The following DGKH variants were observed in gnomAD, a reference collection of about 807,000 sequenced individuals.
The protein encoded by DGKH is DAG kinase eta.
Under a neutral mutation model 159.3 loss-of-function variants are expected in DGKH, and 90 were observed. That is an observed-to-expected ratio of 0.57 (90% CI 0.48 to 0.67). The LOEUF is 0.67. Among genes scored for constraint, DGKH ranks in the 30% least tolerant of loss-of-function variants. DGKH has a pLI of 0.00. For synonymous variants in DGKH, 536 were observed against 553.8 expected (o/e 0.97, Z 0.45); for missense variants, 1,181 against 1,506.1 (o/e 0.78, Z 3.57).
Position 42,158,819 on chromosome 13 carries a change from A to G in DGKH, c.623-447A>G, listed in dbSNP as rs568661598. On this transcript the variant is annotated intron_variant, in intron 5 of 29. Transcript: ENST00000337343. ...TTCAGACTTATAATCAGTATTTTAT[A>G]TGTATAGAAAAATACAATACCAGAA... Among the ~76,000 whole-genome samples the G allele has an allele frequency of 1.4e-4, 21 of 152,314 alleles. 1 individual carries two copies. The South Asian group carries it at 4.4e-3, about 32-fold the overall frequency.
chr13:42,142,397 AT>A lies in DGKH; in HGVS notation c.384+12766del, dbSNP rs746353584. 1.4e-3 allele frequency among the ~76,000 whole-genome samples: 215 copies of A among 151,212 alleles called. 3 individuals are homozygous for A. The highest frequency in any genetic ancestry group is 5.8e-4 in the Non-Finnish European group (39 of 67,592). On this transcript the variant is annotated intron_variant, in intron 3 of 29. Transcript: ENST00000337343. ...AATGCGGGCTCTTTTTTGGTTCCAT[AT>A]GAACTTTAAAGTCGTTTTTTCCAAT...
chr13:42,079,612 T>C (rs1228871776), intron 1 of DGKH, among the ~76,000 whole-genome samples: 1 of 152,208 alleles, frequency 6.6e-6, no homozygotes, highest in Non-Finnish European at 1.5e-5. Context: ...AGTTTAGGTG[T>C]GCTCCCTTGA....
intron 1 of DGKH, among the ~76,000 whole-genome samples, chr13:42,072,816 C>T (rs76655492): frequency 2.6e-5 from 4 of 152,172 alleles, no homozygotes; most frequent in South Asian, 2.1e-4. Flanking sequence ...CTTCTCAGGG[C>T]GACCTGCCCT....
chr13:42,246,908 G>A (rs895110199), downstream of DGKH, among the ~76,000 whole-genome samples: 2 of 152,082 alleles, frequency 1.3e-5, no homozygotes, highest in African/African-American at 4.8e-5. Context: ...ATGTGTGTGT[G>A]TATATACACA....
At chr13:42,243,755 G>A (rs985133239), downstream of DGKH, among the ~76,000 whole-genome samples, 10 of 152,144 alleles carry the variant, frequency 6.6e-5, no homozygotes, top group African/African-American at 2.4e-4. Context: ...GCAGCATGGA[G>A]GGTAAAACAT....
At chr13:42,091,481 A>C (rs1395989360) in intron 1 of DGKH, among the ~76,000 whole-genome samples, 1 of 152,188 alleles carries the variant, frequency 6.6e-6, no homozygotes, top group African/African-American at 2.4e-5. Context: ...AAACAACCCA[A>C]TTAAAAAAAT....
At chr13:42,249,841 A>G (rs1237731308) in intron 29 of DGKH, among the ~76,000 whole-genome samples, 5 of 152,154 alleles carry the variant, frequency 3.3e-5, no homozygotes, top group Non-Finnish European at 7.4e-5. Context: ...CACAACTAGA[A>G]TCTCTTGGGA....
rs1958477164 is a variant in DGKH at position 42,239,441 on chromosome 13, A to G, written c.*10253A>G. On this transcript the variant is annotated 3_prime_UTR_variant, in exon 30 of 30. Transcript: ENST00000337343. Reference sequence around the variant, plus strand: ...TGCTTAATCTTAATCTTGGCTTTGGATTTTGTAAGCAAAAGCATTTTCTGC... The same window carrying G: ...TGCTTAATCTTAATCTTGGCTTTGGGTTTTGTAAGCAAAAGCATTTTCTGC... 1 of 152,710 alleles carries G rather than the reference A, an allele frequency of 6.5e-6. No homozygotes were observed. The highest frequency in any genetic ancestry group is 2.4e-5 in the African/African-American group (1 of 41,582). 9.5% of individuals were successfully genotyped at this position (152,710 alleles called of 1,614,324 possible).
intron 1 of DGKH, among the ~76,000 whole-genome samples, chr13:42,123,885 G>T (rs1215146148): frequency 2.0e-5 from 3 of 152,168 alleles, no homozygotes; most frequent in African/African-American, 7.2e-5. Context: ...GTTGCCTGGG[G>T]ACAGGTAGTG....
chr13:42,220,875 G>A (rs1321375466), intron 28 of DGKH, among the ~76,000 whole-genome samples: 1 of 152,168 alleles, frequency 6.6e-6, no homozygotes, highest in African/African-American at 2.4e-5. Flanking sequence ...ATTAGCATTT[G>A]TAGCTCATTT....
chr13:42,108,678 A>G (rs1468441649), intron 1 of DGKH, among the ~76,000 whole-genome samples: 1 of 152,186 alleles, frequency 6.6e-6, no homozygotes, highest in Non-Finnish European at 1.5e-5. Flanking sequence ...TGAAAATGAG[A>G]ATAAATACAG....
At chr13:42,131,395 G>A (rs935976925) in intron 3 of DGKH, among the ~76,000 whole-genome samples, 1 of 152,192 alleles carries the variant, frequency 6.6e-6, no homozygotes, top group African/African-American at 2.4e-5. Context: ...GTAAGCTGAC[G>A]GGTGTAGGAA....
chr13:42,188,869 T>C (rs1956992726), intron 14 of DGKH, among the ~76,000 whole-genome samples, 167 bp from the exon 15 acceptor site: 1 of 152,176 alleles, frequency 6.6e-6, no homozygotes, highest in Non-Finnish European at 1.5e-5. Context: ...ATTTTAAAAT[T>C]AGCTGCTTCC....
chr13:42,068,147 CAT>C (rs1882714191), intron 1 of DGKH, among the ~76,000 whole-genome samples: 2 of 152,234 alleles, frequency 1.3e-5, no homozygotes, highest in East Asian at 3.9e-4. Flanking sequence ...GATAAACTGA[CAT>C]AGATTCGGCT....
intron 1 of DGKH, among the ~76,000 whole-genome samples, chr13:42,108,855 G>A (rs1051141007): frequency 1.2e-4 from 18 of 152,098 alleles, no homozygotes; most frequent in Non-Finnish European, 1.6e-4. Context: ...AAGGCTGAAG[G>A]AAAGGAAAGG....
At chr13:42,244,839 G>A (rs1245861543), downstream of DGKH, among the ~76,000 whole-genome samples, 10 of 142,342 alleles carry the variant, frequency 7.0e-5, no homozygotes, top group Admixed American at 1.5e-4. Context: ...GGGAGGCGGA[G>A]CTTGCAGTGA....
chr13:42,159,244 C>CTTTTTTTTTTTTTTTTTTTCTTTTTTTTT (rs57531279), intron 5 of DGKH, 22 bp from the exon 6 acceptor site: 1 of 200,416 alleles, frequency 5.0e-6, no homozygotes, highest in Non-Finnish European at 8.6e-6. Context: ...AGCAGTTGCT[C>CTTTTTTTTTTTTTTTTTTTCTTTTTTTTT]TTTTTTTTTT....
rs557797431 is a variant in DGKH, at chr13:42,202,376, C to T, written c.2493+2467C>T. Among the ~76,000 whole-genome samples, 8 of 152,228 alleles carry T rather than the reference C, an allele frequency of 5.3e-5. No homozygotes were observed. In the East Asian group the frequency reaches 1.4e-3, roughly 26 times the overall value. ...CCTTGGGAGGCTCTTTCCAGAGAGA[C>T]GCCTTCACCAATGGCCTTCCTTTTT... On this transcript the variant is annotated intron_variant, in intron 20 of 29. Transcript: ENST00000337343.
At position 42,195,095 on chromosome 13, in the gene DGKH, A is replaced by G. The variant is rs920109344; in HGVS notation, c.2167+79A>G. 4.6e-6 allele frequency: 7 copies of G among 1,508,108 alleles called. No homozygotes were observed. The African/African-American group carries it at 9.9e-5, about 21-fold the overall frequency. 93.4% of individuals were successfully genotyped at this position (1,508,108 alleles called of 1,614,324 possible). A position where few individuals can be genotyped will look rare whatever the true frequency, so the allele number is the denominator to read the frequency against. On this transcript the variant is annotated intron_variant, in intron 17 of 29. Transcript: ENST00000337343. ...TAAGTATTTATTTCTATTACTGTGG[A>G]AACATGTTCTTAAAGATAAATATTC...
Sources: allele counts gnomAD v4.1 joint callset (sites outside exome capture counted in the v4.1 genomes callset), GRCh38; gene constraint gnomAD v4.1.1; transcripts MANE v1.5; gene names NCBI Gene and HGNC (gene_info 2026-07-23, HGNC 2026-07-21).